RRM1: variants seen among roughly 807,000 people sequenced by gnomAD.
RRM1 encodes the protein ribonucleoside-diphosphate reductase large subunit.
In RRM1, 19 loss-of-function variants were observed where a neutral mutation model predicts 101.5. The observed-to-expected ratio is 0.19, with a 90% CI of 0.13 to 0.27. The LOEUF (loss-of-function observed/expected upper bound fraction) is 0.27. RRM1 is among the 10% of genes least tolerant of loss of function. The probability of loss-of-function intolerance (pLI) is 1.00; values close to 1 mark genes in which losing one functional copy is unlikely to be tolerated. For synonymous variants in RRM1, 298 were observed against 323.4 expected, an observed-to-expected ratio of 0.92 and a Z score of 0.84; for missense variants, 500 against 962.9, an observed-to-expected ratio of 0.52 and a Z score of 6.36.
At chr11:4,127,788 C>G (rs2094592269) in intron 14 of RRM1, among the ~76,000 whole-genome samples, 2 of 152,208 alleles carry the variant, frequency 1.3e-5, no homozygotes, top group African/African-American at 2.4e-5. Flanking sequence ...TTATTTAGAA[C>G]TAGTCATTGC....
intron 15 of RRM1, among the ~76,000 whole-genome samples, chr11:4,130,066 T>TATAGATATA (rs1554976190): frequency 6.1e-5 from 2 of 32,988 alleles, no homozygotes; most frequent in South Asian, 3.1e-3. Context: ...TGTACTGTAT[T>TATAGATATA]TATATATATA....
chr11:4,136,052 AG>A (rs2094609139), intron 18 of RRM1, among the ~76,000 whole-genome samples: 1 of 151,912 alleles, frequency 6.6e-6, no homozygotes, highest in Non-Finnish European at 1.5e-5. Context: ...CAAAGACAAA[AG>A]AATAAAAATG....
chr11:4,138,418 A>ACT lies in RRM1; in HGVS notation c.*35_*36insCT, dbSNP rs748376423. ...TGGAAGAGACCAGCATGTCTTCAGT[A>ACT]GCCAAACTACTTCTTGAGCATAGAT... On this transcript the variant is annotated 3_prime_UTR_variant, in exon 19 of 19. Transcript: ENST00000300738. 2.6e-5 allele frequency: 40 copies of ACT among 1,528,266 alleles called. No homozygotes were observed. The highest frequency in any genetic ancestry group is 3.5e-5 in the Non-Finnish European group (40 of 1,133,104). The allele number at this position is 1,528,266 out of a possible 1,614,324, so 94.7% of individuals were successfully genotyped here.
intron 7 of RRM1, among the ~76,000 whole-genome samples, chr11:4,118,022 A>G (rs2094576142): frequency 6.6e-6 from 1 of 152,228 alleles, no homozygotes; most frequent in South Asian, 2.1e-4. Context: ...TGAAAATAGC[A>G]CGTTTGCAGT....
chr11:4,101,984 A>G lies in RRM1; in HGVS notation c.20-9A>G. 6.7e-7 allele frequency: 1 copy of G among 1,499,844 alleles called. No individual in the cohort carries two copies. The allele number at this position is 1,499,844 out of a possible 1,614,324, so 92.9% of individuals were successfully genotyped here. ...ATTTAATAATTGCTAACATGATTTG[A>G]TTCTTTAGATGGCCGCCAAGAACGA... is the stretch of plus-strand genomic sequence containing the variant. On this transcript the variant is annotated splice_polypyrimidine_tract_variant and intron_variant, in intron 1 of 18. Coordinates refer to ENST00000300738, the MANE Select transcript of RRM1 (RefSeq NM_001033.5).
At chr11:4,103,477 C>T (rs573667203) in intron 2 of RRM1, among the ~76,000 whole-genome samples, 6 of 152,318 alleles carry the variant, frequency 3.9e-5, no homozygotes, top group African/African-American at 1.4e-4. Flanking sequence ...TTGACTCCTA[C>T]ATGTTCTATT....
intron 10 of RRM1, 116 bp from the exon 11 acceptor site, chr11:4,122,025 C>T: frequency 1.2e-6 from 1 of 830,260 alleles, no homozygotes; most frequent in Non-Finnish European, 1.9e-6. Flanking sequence ...ATGATTATTT[C>T]TACAGCAAAT....
Position 4,123,192 on chromosome 11 carries a change from A to C in RRM1, c.1128A>C (p.Lys376Asn), listed in dbSNP as rs1014536955. The C allele has an allele frequency of 6.2e-7, 1 of 1,613,932 alleles. No homozygotes were observed. Among genetic ancestry groups the C allele is most frequent in the Admixed American group, 1.7e-5 (1 of 60,012 alleles). ...EFEKLYASYE[K>N]QGRVRKVVKA... ...TATCTGTGCCTTTCAGTTATGAGAA[A>C]CAAGGTCGTGTCCGCAAAGTTGTAA... The change falls in exon 12 of 19, where the codon AAA becomes AAC. Residue 376 changes from lysine (K) to asparagine (N), a missense_variant. Physicochemically the swap from Lys to Asn is moderately conservative, Grantham distance 94. Coordinates refer to ENST00000300738, the MANE Select transcript of RRM1 (RefSeq NM_001033.5).
chr11:4,100,889 TTGG>T (rs2094550003), intron 1 of RRM1, among the ~76,000 whole-genome samples: 1 of 152,204 alleles, frequency 6.6e-6, no homozygotes, highest in Admixed American at 6.5e-5. Flanking sequence ...TTAAGGCTGT[TTGG>T]TGGTTGGATA....
chr11:4,114,511 C>T (rs1310300666), intron 7 of RRM1, among the ~76,000 whole-genome samples: 1 of 148,074 alleles, frequency 6.8e-6, no homozygotes, highest in Non-Finnish European at 1.5e-5. Context: ...CATCGCACCA[C>T]TACACTCCAG....
intron 1 of RRM1, among the ~76,000 whole-genome samples, chr11:4,096,358 G>C (rs1262252916): frequency 1.3e-5 from 2 of 152,210 alleles, no homozygotes; most frequent in Admixed American, 6.5e-5. Flanking sequence ...GACATGAACA[G>C]ATTCTTAAAG....
At chr11:4,118,565 GTTAAA>G (rs1359097844) in intron 8 of RRM1, 104 bp downstream of exon 8, 1 of 1,147,764 alleles carries the variant, frequency 8.7e-7, no homozygotes, top group African/African-American at 1.5e-5. Flanking sequence ...CTGGGTCTCT[GTTAAA>G]TTACTAAATG....
intron 12 of RRM1, among the ~76,000 whole-genome samples, chr11:4,126,093 C>T (rs1425485489): frequency 2.6e-5 from 4 of 152,186 alleles, no homozygotes; most frequent in South Asian, 2.1e-4. Context: ...CTCACTGCCT[C>T]GTGTAGTGGA....
At position 4,132,437 on chromosome 11, in the gene RRM1, C is replaced by T. The variant is rs781734028; in HGVS notation, c.1905+16C>T. 2 of 1,613,732 alleles carry T rather than the reference C, an allele frequency of 1.2e-6. No homozygotes were observed. Among genetic ancestry groups the T allele is most frequent in the South Asian group, 1.1e-5 (1 of 91,062 alleles). On this transcript the variant is annotated intron_variant, in intron 16 of 18. Coordinates refer to ENST00000300738, the MANE Select transcript of RRM1 (RefSeq NM_001033.5). This position sits in a 1 kb window ranked among gnomAD's most constrained non-coding sequence, Gnocchi z 4.1. ...AGAATTTCAGGTGAGCAGTTCACAA[C>T]CAGCCTTACAGGGAGATCTTTCAAA...
Position 4,132,526 on chromosome 11 carries a change from A to C in RRM1, c.1905+105A>C, listed in dbSNP as rs1472628929. 9.0e-7 allele frequency: 1 copy of C among 1,114,578 alleles called. No individual in the cohort carries two copies. The allele number at this position is 1,114,578 out of a possible 1,614,324, so 69.0% of individuals were successfully genotyped here. A position where few individuals can be genotyped will look rare whatever the true frequency, so the allele number is the denominator to read the frequency against. ...TTGCCCATTTTCTTAGTTTGGGTGCAAACTTTGATAAAGACAGTCATCTTC... is the reference window on the plus strand; with the variant it reads ...TTGCCCATTTTCTTAGTTTGGGTGCCAACTTTGATAAAGACAGTCATCTTC... On this transcript the variant is annotated intron_variant, in intron 16 of 18. Coordinates refer to ENST00000300738, the MANE Select transcript of RRM1 (RefSeq NM_001033.5). This position sits in a 1 kb window ranked among gnomAD's most constrained non-coding sequence, Gnocchi z 4.1.
intron 2 of RRM1, among the ~76,000 whole-genome samples, chr11:4,103,027 T>A (rs192275302): frequency 5.3e-4 from 81 of 152,334 alleles, no homozygotes; most frequent in African/African-American, 1.9e-3. Context: ...TCCACCCATA[T>A]TTCCGTCTCC....
At chr11:4,096,077 A>G (rs2094543180) in intron 1 of RRM1, among the ~76,000 whole-genome samples, 1 of 152,182 alleles carries the variant, frequency 6.6e-6, no homozygotes, top group African/African-American at 2.4e-5. Context: ...CCAGGATGGA[A>G]TGCAGTGGTG....
intron 4 of RRM1, among the ~76,000 whole-genome samples, chr11:4,108,497 C>T (rs1212787767): frequency 6.9e-6 from 1 of 145,672 alleles, no homozygotes; most frequent in African/African-American, 2.5e-5. Flanking sequence ...ACTCAGGAGG[C>T]TGAGGCTAGA....
chr11:4,105,520 T>G (rs948560900), intron 2 of RRM1: 3 of 386,824 alleles, frequency 7.8e-6, no homozygotes, highest in Admixed American at 3.3e-5. Context: ...TGTGAGCCAC[T>G]GTGCCCAACC....
Sources: allele counts gnomAD v4.1 joint callset (sites outside exome capture counted in the v4.1 genomes callset), GRCh38; gene constraint gnomAD v4.1.1; non-coding constraint Gnocchi (gnomAD v3.1); transcripts MANE v1.5; gene names NCBI Gene and HGNC (gene_info 2026-07-23, HGNC 2026-07-21).